The following CBL variants were observed in gnomAD, a reference collection of about 807,000 sequenced individuals.
CBL encodes Cbl proto-oncogene, also known as E3 ubiquitin-protein ligase CBL.
In CBL, 45 loss-of-function variants were observed where a neutral mutation model predicts 96.9. The ratio of observed to expected loss-of-function variants is 0.46; its 90% CI spans 0.37 to 0.60. The LOEUF (loss-of-function observed/expected upper bound fraction) is 0.60. Ranked by LOEUF, CBL falls within the 20% of genes least tolerant of loss-of-function variation. The pLI is 0.00. For missense variants in CBL, 1,024 were observed against 1,143.5 expected (o/e 0.90, Z 1.51); for synonymous variants, 420 against 426.8 (o/e 0.98, Z 0.20).
At chr11:119,216,339 AATTTATTTATTTATTT>A (rs113078166) in intron 1 of CBL, among the ~76,000 whole-genome samples, 35,285 of 143,986 alleles carry the variant, frequency 0.25, 4,412 homozygotes, top group East Asian at 0.36. Context: ...GACTTATTGT[AATTTATTTATTTATTT>A]ATTTATTTAT....
intron 12 of CBL, among the ~76,000 whole-genome samples, chr11:119,296,237 A>T (rs1169934065): frequency 1.3e-5 from 2 of 152,178 alleles, no homozygotes; most frequent in African/African-American, 4.8e-5. Context: ...ACACTCCAAG[A>T]AGTAGGTTTT....
Position 119,302,409 on chromosome 11 carries a change from T to G in CBL, c.*2628T>G, listed in dbSNP as rs1406414712. ...AGTAACCCATTCTTCACCCTCCATT[T>G]GTATGGCAATTTAAAAGTCTTTGGC... is the stretch of plus-strand genomic sequence containing the variant. On this transcript the variant is annotated 3_prime_UTR_variant, in exon 16 of 16. Coordinates refer to ENST00000264033, the MANE Select transcript of CBL (RefSeq NM_005188.4). 8.6e-6 allele frequency: 2 copies of G among 232,854 alleles called. No individual in the cohort carries two copies. The highest frequency in any genetic ancestry group is 1.7e-5 in the Non-Finnish European group (2 of 117,848). 14.4% of individuals were successfully genotyped at this position (232,854 alleles called of 1,614,324 possible).
At chr11:119,290,818 C>T (rs1173417043) in intron 12 of CBL, among the ~76,000 whole-genome samples, 1 of 151,212 alleles carries the variant, frequency 6.6e-6, no homozygotes, top group Admixed American at 6.6e-5. Flanking sequence ...TACAGGCACA[C>T]ACCACCATGC....
At chr11:119,219,688 T>G (rs112917707) in intron 1 of CBL, among the ~76,000 whole-genome samples, 7,329 of 151,518 alleles carry the variant, frequency 0.048, 594 homozygotes, top group African/African-American at 0.17. Context: ...TGCCTTTTTT[T>G]TTTTTTTTAT....
At position 119,206,436 on chromosome 11, in the gene CBL, A is replaced by G; in HGVS notation, c.19A>G (p.Lys7Glu). MAGNVK[K>E]SSGAGGGSGS... ...CCAGGCCATGGCCGGCAACGTGAAG[A>G]AGAGCTCTGGGGCCGGGGGCGGCAG... Residue 7 changes from lysine (K) to glutamate (E), a missense_variant, in exon 1 of 16, where the codon AAG (lysine) becomes GAG (glutamate). This residue lies in a region of CBL where 114 missense variants were observed against 117.4 expected (regional missense o/e 0.97). Transcript: ENST00000264033. The G allele has an allele frequency of 6.4e-7, 1 of 1,574,376 alleles. No homozygotes were observed. The highest frequency in any genetic ancestry group is 8.6e-7 in the Non-Finnish European group (1 of 1,165,266).
Position 119,306,274 on chromosome 11 carries a change from C to A in CBL, c.*6493C>A. On this transcript the variant is annotated 3_prime_UTR_variant, in exon 16 of 16. Coordinates refer to ENST00000264033, the MANE Select transcript of CBL (RefSeq NM_005188.4). ...TGAGAAAAATGCAGCCGACCACTCC[C>A]TGTGTTTGTACAGAGCAAAGCCCAA... 2.5e-6 allele frequency: 1 copy of A among 398,666 alleles called. No individual in the cohort carries two copies. The highest frequency in any genetic ancestry group is 3.6e-5 in the East Asian group (1 of 28,084). The allele number at this position is 398,666 out of a possible 1,614,324, so 24.7% of individuals were successfully genotyped here.
In CBL at chr11:119,280,930, A is replaced by C. The variant is rs541283663; in HGVS notation, c.1431+2217A>C. Reference sequence around the variant, plus strand: ...CCAAGTAACATACTATACAATAATTACTTTTGCTTTCTTATACAACTTTCT... The same window carrying C: ...CCAAGTAACATACTATACAATAATTCCTTTTGCTTTCTTATACAACTTTCT... On this transcript the variant is annotated intron_variant, in intron 9 of 15. Transcript: ENST00000264033. Among the ~76,000 whole-genome samples, 93 of 152,304 alleles carry C rather than the reference A, an allele frequency of 6.1e-4. 1 individual carries two copies. Among genetic ancestry groups the C allele is most frequent in the Non-Finnish European group, 6.9e-4 (47 of 68,034 alleles).
intron 2 of CBL, among the ~76,000 whole-genome samples, chr11:119,253,364 T>C (rs1048165544): frequency 6.8e-6 from 1 of 147,814 alleles, no homozygotes; most frequent in Non-Finnish European, 1.5e-5. Flanking sequence ...ATGCCTGTAG[T>C]CCCAGCTATT....
Position 119,235,665 on chromosome 11 carries a change from A to T in CBL, c.443+2970A>T, listed in dbSNP as rs137999470. Among the ~76,000 whole-genome samples the T allele has an allele frequency of 7.5e-3, 1,135 of 152,168 alleles. 12 individuals carry two copies. Among genetic ancestry groups the T allele is most frequent in the African/African-American group, 0.022 (919 of 41,494 alleles). On this transcript the variant is annotated intron_variant, in intron 2 of 15. Coordinates refer to ENST00000264033, the MANE Select transcript of CBL (RefSeq NM_005188.4). ...GCAGGCACACTTGGTGTGACTTATAATGAAAAAAAAGTCTGTGTATAAGTG... is the reference window on the plus strand; with the variant it reads ...GCAGGCACACTTGGTGTGACTTATATTGAAAAAAAAGTCTGTGTATAAGTG...
chr11:119,234,979 T>C (rs1241039200), intron 2 of CBL, among the ~76,000 whole-genome samples: 1 of 152,184 alleles, frequency 6.6e-6, no homozygotes, highest in African/African-American at 2.4e-5. Context: ...TTGGTTAGAA[T>C]TGTGGGAGAC....
At chr11:119,271,358 A>C (rs1163174857) in intron 2 of CBL, among the ~76,000 whole-genome samples, 1 of 152,246 alleles carries the variant, frequency 6.6e-6, no homozygotes, top group African/African-American at 2.4e-5. Context: ...TTTAAGATAT[A>C]TGACTAAATT....
intron 2 of CBL, among the ~76,000 whole-genome samples, chr11:119,233,272 A>G (rs1047755977): frequency 1.3e-5 from 2 of 152,122 alleles, no homozygotes; most frequent in African/African-American, 4.8e-5. Context: ...TTTTTTTGAG[A>G]CAGAGTCTGG....
At position 119,218,936 on chromosome 11, in the gene CBL, G is replaced by T. The variant is rs938514757; in HGVS notation, c.195+12324G>T. On this transcript the variant is annotated intron_variant, in intron 1 of 15. Transcript: ENST00000264033. ...TCTACTCATGAAATTCTGAAGAAAG[G>T]TCTGGGCTCAATGGCTCATGCCTGT... 3.3e-5 allele frequency among the ~76,000 whole-genome samples: 5 copies of T among 152,152 alleles called. No homozygotes were observed. In the East Asian group the frequency reaches 7.7e-4, roughly 23 times the overall value.
rs570221191 is a variant in CBL at position 119,223,065 on chromosome 11, G to A, written c.196-9383G>A. On this transcript the variant is annotated intron_variant, in intron 1 of 15. Coordinates refer to ENST00000264033, the MANE Select transcript of CBL (RefSeq NM_005188.4). ...TGTGGTGGCGTGTACCTGTAGTCCC[G>A]GCTACTTGGGAGGTCTAGTTGGGAA... Among the ~76,000 whole-genome samples the A allele has an allele frequency of 4.6e-5, 7 of 151,824 alleles. No individual in the cohort carries two copies. The South Asian group carries it at 1.0e-3, about 23-fold the overall frequency.
chr11:119,285,390 T>C lies in CBL; in HGVS notation c.1765T>C (p.Ser589Pro), dbSNP rs1555230612. 1 of 1,614,114 alleles carries C rather than the reference T, an allele frequency of 6.2e-7. No homozygotes were observed. Among genetic ancestry groups the C allele is most frequent in the East Asian group, 2.2e-5 (1 of 44,874 alleles). ...TGTCCCCTCTAGCCGCCTTGGAGAC[T>C]CATGGCTGCCCCGGCCAATCCCCAA... Reference protein sequence around the residue: ...PPVPSSRLGDSWLPRPIPKVP... With the variant: ...PPVPSSRLGDPWLPRPIPKVP... The change falls in exon 11 of 16, where the codon TCA (serine) becomes CCA (proline). Residue 589 changes from serine (S) to proline (P), a missense_variant. Physicochemically the swap from Ser to Pro is moderately conservative, Grantham distance 74. This residue lies in a region of CBL where 695 missense variants were observed against 661.6 expected (regional missense o/e 1.05). Coordinates refer to ENST00000264033, the MANE Select transcript of CBL (RefSeq NM_005188.4).
chr11:119,278,166 G>A lies in CBL; in HGVS notation c.1096G>A (p.Glu366Lys), dbSNP rs1245863855. 1 of 1,590,968 alleles carries A rather than the reference G, an allele frequency of 6.3e-7. No homozygotes were observed. The highest frequency in any genetic ancestry group is 8.6e-7 in the Non-Finnish European group (1 of 1,159,488). ...GTCTTTTAATTTTTTTTAATCAAAG[G>A]AACAATATGAATTATACTGTGAGAT... ...TPQDHIKVTQ[E>K]QYELYCEMGS... Residue 366 changes from glutamate to lysine, a missense_variant and splice_region_variant, in exon 8 of 16, where the codon GAA (glutamate) becomes AAA (lysine). Glu to Lys is a moderately conservative substitution (Grantham distance 56, BLOSUM62 1). Coordinates refer to ENST00000264033, the MANE Select transcript of CBL (RefSeq NM_005188.4).
At chr11:119,212,684 C>G (rs1280466891) in intron 1 of CBL, among the ~76,000 whole-genome samples, 2 of 151,196 alleles carry the variant, frequency 1.3e-5, no homozygotes, top group Non-Finnish European at 2.9e-5. Flanking sequence ...TATTTTTATT[C>G]ATTATTATTA....
chr11:119,259,435 T>C (rs1353233386), intron 2 of CBL, among the ~76,000 whole-genome samples: 1 of 152,266 alleles, frequency 6.6e-6, no homozygotes, highest in South Asian at 2.1e-4. Context: ...TATTTGACAA[T>C]ACTGAAATTT....
Position 119,301,714 on chromosome 11 carries a change from C to T in CBL, c.*1933C>T, listed in dbSNP as rs529781104. 3.3e-4 allele frequency: 76 copies of T among 233,234 alleles called. No individual in the cohort carries two copies. The highest frequency in any genetic ancestry group is 1.6e-3 in the African/African-American group (74 of 45,448). 14.4% of individuals were successfully genotyped at this position (233,234 alleles called of 1,614,324 possible). On this transcript the variant is annotated 3_prime_UTR_variant, in exon 16 of 16. Transcript: ENST00000264033. ...AGTGTCTTCTCTACATGGCATAAAG[C>T]GGCAAAGCCCACCATTAGGTGAGGC...
Sources: allele counts gnomAD v4.1 joint callset (sites outside exome capture counted in the v4.1 genomes callset), GRCh38; gene constraint gnomAD v4.1.1; regional missense constraint gnomAD v4.1.1; transcripts MANE v1.5; gene names NCBI Gene and HGNC (gene_info 2026-07-23, HGNC 2026-07-21).